Variants in ST7 observed in about 807,000 individuals in gnomAD.
The protein encoded by ST7 is suppression of tumorigenicity 7, also known as suppressor of tumorigenicity 7 protein.
ST7 carries 28 observed loss-of-function variants against 78.7 expected under a neutral mutation model. That is an observed-to-expected ratio of 0.36 (90% CI 0.26 to 0.49). The LOEUF is 0.49. ST7 is among the 20% of genes least tolerant of loss of function. ST7 has a pLI of 0.99. For missense variants in ST7, 418 were observed against 696.0 expected, an observed-to-expected ratio of 0.60 and a Z score of 4.49; for synonymous variants, 247 against 249.6, an observed-to-expected ratio of 0.99 and a Z score of 0.10.
intron 12 of ST7, among the ~76,000 whole-genome samples, chr7:117,197,974 G>T (rs1406290981): frequency 1.3e-5 from 2 of 152,168 alleles, no homozygotes; most frequent in African/African-American, 2.4e-5. Context: ...GGGAGGCTGA[G>T]CCAGAAGGTC....
intron 1 of ST7, among the ~76,000 whole-genome samples, chr7:117,065,739 C>CGAG (rs1488066218): frequency 6.6e-6 from 1 of 152,224 alleles, no homozygotes; most frequent in Non-Finnish European, 1.5e-5. Context: ...CCTCACCTCT[C>CGAG]AGCAGCCAGT....
At chr7:117,138,101 C>T (rs147662341) in intron 8 of ST7, among the ~76,000 whole-genome samples, 1 of 152,230 alleles carries the variant, frequency 6.6e-6, no homozygotes, top group East Asian at 1.9e-4. Context: ...CTGAGATTCA[C>T]CTCTGCATCT....
intron 1 of ST7, among the ~76,000 whole-genome samples, chr7:117,035,184 T>C (rs1470875873): frequency 1.3e-5 from 2 of 151,070 alleles, no homozygotes; most frequent in Non-Finnish European, 2.9e-5. Flanking sequence ...TGGGTCTTCA[T>C]ATGCTCTGGA....
intron 9 of ST7, among the ~76,000 whole-genome samples, chr7:117,147,767 T>C (rs943826009): frequency 6.6e-6 from 1 of 152,156 alleles, no homozygotes; most frequent in African/African-American, 2.4e-5. Context: ...ATCCTCTGTG[T>C]TTGTTGCCTT....
chr7:117,162,586 C>T (rs889739664), intron 9 of ST7, among the ~76,000 whole-genome samples: 12 of 151,466 alleles, frequency 7.9e-5, no homozygotes, highest in Non-Finnish European at 1.6e-4. Flanking sequence ...ACTAAACAGT[C>T]TCTAGGGGAT....
At chr7:117,085,301 T>C (rs549930998) in intron 1 of ST7, among the ~76,000 whole-genome samples, 2 of 152,366 alleles carry the variant, frequency 1.3e-5, no homozygotes, top group South Asian at 4.1e-4. Context: ...CTGTCTCATG[T>C]TACATTCCCA....
chr7:117,065,108 C>A (rs1048837170), intron 1 of ST7, among the ~76,000 whole-genome samples: 2 of 151,472 alleles, frequency 1.3e-5, no homozygotes, highest in African/African-American at 4.8e-5. Flanking sequence ...TCTAACTATA[C>A]TGATAAAGAA....
chr7:117,163,622 A>G (rs578005089), intron 9 of ST7, among the ~76,000 whole-genome samples: 1 of 152,086 alleles, frequency 6.6e-6, no homozygotes, highest in South Asian at 2.1e-4. Flanking sequence ...AGATAATTTG[A>G]CCATTTTTTA....
At chr7:117,017,666 T>G (rs938859522) in intron 1 of ST7, among the ~76,000 whole-genome samples, 1 of 152,100 alleles carries the variant, frequency 6.6e-6, no homozygotes, top group African/African-American at 2.4e-5. Flanking sequence ...ATCAGATCAG[T>G]TTTATTCATC....
chr7:117,036,273 C>A (rs1012108202), intron 1 of ST7, among the ~76,000 whole-genome samples: 3 of 152,208 alleles, frequency 2.0e-5, no homozygotes, highest in Non-Finnish European at 4.4e-5. Flanking sequence ...GGTGACCAGT[C>A]CTCTGCAGGC....
chr7:117,123,490 G>T (rs537044242), intron 3 of ST7, among the ~76,000 whole-genome samples: 1 of 152,254 alleles, frequency 6.6e-6, no homozygotes, highest in African/African-American at 2.4e-5. Context: ...TAATTATACA[G>T]TTTCTTACTT....
At chr7:116,975,426 G>C (rs79080605) in intron 1 of ST7, among the ~76,000 whole-genome samples, 4 of 149,144 alleles carry the variant, frequency 2.7e-5, no homozygotes, top group African/African-American at 1.0e-4. Context: ...TTTTTTTTTT[G>C]AGATGGAATC....
chr7:117,073,055 A>G (rs1259427247), intron 1 of ST7: 1 of 152,194 alleles, frequency 6.6e-6, no homozygotes, highest in Non-Finnish European at 1.5e-5. Context: ...CAGACAGGAA[A>G]CATTGCGGCT....
rs1189775191 is a variant in ST7 at position 117,190,601 on chromosome 7, G to A, written c.1152-233G>A. Among the ~76,000 whole-genome samples the A allele has an allele frequency of 6.6e-6, 1 of 152,160 alleles. No individual in the cohort carries two copies. Among genetic ancestry groups the A allele is most frequent in the Non-Finnish European group, 1.5e-5 (1 of 68,040 alleles). ...AGATTAGCCATTTAGACAGAGACTT[G>A]ACAGCCGAATTTAACTCCTGCCATG... On this transcript the variant is annotated intron_variant, in intron 11 of 15. Transcript: ENST00000323984. The surrounding 1 kb of genome is among the most constrained non-coding windows in gnomAD (Gnocchi z 5.2).
chr7:117,136,741 C>A (rs765244462), intron 8 of ST7: 1 of 155,692 alleles, frequency 6.4e-6, no homozygotes, highest in Non-Finnish European at 1.4e-5. Context: ...AGAGAAAGAG[C>A]CATGAGCTCC....
chr7:117,181,238 G>A (rs1351703457), intron 10 of ST7, among the ~76,000 whole-genome samples: 1 of 152,144 alleles, frequency 6.6e-6, no homozygotes, highest in Non-Finnish European at 1.5e-5. Context: ...TTAGAAGCAG[G>A]TTTTCAGGGT....
Position 117,097,896 on chromosome 7 carries a change from ATATATATATATATTTT to A in ST7, c.152-1864_152-1849del, listed in dbSNP as rs1476851153. On this transcript the variant is annotated intron_variant, in intron 1 of 15. Coordinates refer to ENST00000323984, the MANE Select transcript of ST7 (RefSeq NM_001369598.1). ...GACATATCACTATATATATATATATATATATATATATATTTTTTTTTTTTTTTTTTTTGATGGCCAG... is the reference window on the plus strand; with the variant it reads ...GACATATCACTATATATATATATATATTTTTTTTTTTTTTTTGATGGCCAG... Among the ~76,000 whole-genome samples, 4 of 24,292 alleles carry A rather than the reference ATATATATATATATTTT, an allele frequency of 1.6e-4. 1 individual carries two copies. Among genetic ancestry groups the A allele is most frequent in the African/African-American group, 3.8e-4 (2 of 5,202 alleles). 15.9% of individuals were successfully genotyped at this position (24,292 alleles called of 152,430 possible).
intron 9 of ST7, among the ~76,000 whole-genome samples, chr7:117,150,395 T>C (rs2117149668): frequency 6.6e-6 from 1 of 152,318 alleles, no homozygotes; most frequent in Middle Eastern, 3.4e-3. Flanking sequence ...TTCCATCTTC[T>C]CTTGACTCTT....
In ST7 at chr7:117,062,481, A is replaced by G. The variant is rs532984749; in HGVS notation, c.152-37281A>G. ...TTACTAATCTTTTACTCACTGTGATATGAAATTCAATCATACTTTCGTAGT... is the reference window on the plus strand; with the variant it reads ...TTACTAATCTTTTACTCACTGTGATGTGAAATTCAATCATACTTTCGTAGT... On this transcript the variant is annotated intron_variant, in intron 1 of 15. Coordinates refer to ENST00000323984, the MANE Select transcript of ST7 (RefSeq NM_001369598.1). 9.8e-5 allele frequency among the ~76,000 whole-genome samples: 15 copies of G among 152,378 alleles called. No homozygotes were observed. In the East Asian group the frequency reaches 2.7e-3, roughly 27 times the overall value.
Sources: gnomAD v4.1 joint callset for allele counts (sites outside exome capture counted in the v4.1 genomes callset) on GRCh38, gnomAD v4.1.1 for gene constraint, Gnocchi (gnomAD v3.1) non-coding constraint, MANE v1.5 for transcripts, NCBI Gene and HGNC (gene_info 2026-07-23, HGNC 2026-07-21) for gene names.